The following CROT variants were observed in gnomAD, a reference collection of about 807,000 sequenced individuals.
The protein encoded by CROT is peroxisomal carnitine O-octanoyltransferase.
CROT carries 84 observed loss-of-function variants against 89.2 expected under a neutral mutation model. That is an observed-to-expected ratio of 0.94 (90% CI 0.79 to 1.13). CROT has a LOEUF of 1.13. Among genes scored for constraint, CROT ranks in the 50% most tolerant of loss-of-function variants. The pLI is 0.00. For missense variants in CROT, 711 were observed against 727.8 expected (o/e 0.98, Z 0.27); for synonymous variants, 212 against 239.5 (o/e 0.89, Z 1.06).
rs1805789950 is a variant in CROT, at chr7:87,349,127, T to G, written c.59T>G (p.Leu20Arg). The change falls in exon 3 of 18, where the codon CTT becomes CGT. Residue 20 changes from leucine (L) to arginine (R), a missense_variant. Transcript: ENST00000331536. ...CGAACATTTCAGTACCAGGATTCTC[T>G]TCCATCACTGCCTGTTCCTTCACTT... is the stretch of plus-strand genomic sequence containing the variant. ...EERTFQYQDSLPSLPVPSLEE... is the reference protein window; with the variant it reads ...EERTFQYQDSRPSLPVPSLEE... 9 of 1,607,886 alleles carry G rather than the reference T, an allele frequency of 5.6e-6. No homozygotes were observed. Among genetic ancestry groups the G allele is most frequent in the South Asian group, 1.1e-5 (1 of 90,196 alleles).
chr7:87,362,671 G>A (rs1806321750), intron 6 of CROT, among the ~76,000 whole-genome samples: 1 of 151,978 alleles, frequency 6.6e-6, no homozygotes, highest in African/African-American at 2.4e-5. Context: ...CAGTTTAATG[G>A]CAGTTTCTGC....
intron 13 of CROT, among the ~76,000 whole-genome samples, chr7:87,385,039 C>T (rs7776867): frequency 0.081 from 12,382 of 151,972 alleles, 539 homozygotes; most frequent in South Asian, 0.16. Flanking sequence ...CTATTCTGTT[C>T]CATTGGTCTG....
chr7:87,355,218 GC>G (rs1222930904), intron 3 of CROT, among the ~76,000 whole-genome samples: 1 of 151,728 alleles, frequency 6.6e-6, no homozygotes, highest in Non-Finnish European at 1.5e-5. Context: ...TCCCACCTCA[GC>G]CTCCCAAGTA....
rs904840373 is a variant in CROT at position 87,349,264 on chromosome 7, C to T, written c.115+81C>T. The stretch of plus-strand genomic sequence containing the variant: ...GATACTGTTGCTGGAGAAGGGGTCT[C>T]GATCCAGACTCTAAGAGAGAGTTAG... On this transcript the variant is annotated intron_variant, in intron 3 of 17. Coordinates refer to ENST00000331536, the MANE Select transcript of CROT (RefSeq NM_021151.4). 3.8e-5 allele frequency: 24 copies of T among 631,896 alleles called. No homozygotes were observed. The Middle Eastern group carries it at 1.8e-3, about 47-fold the overall frequency. The allele number at this position is 631,896 out of a possible 1,614,324, so 39.1% of individuals were successfully genotyped here.
At chr7:87,370,342 C>A (rs926287902) in intron 7 of CROT, among the ~76,000 whole-genome samples, 1 of 152,090 alleles carries the variant, frequency 6.6e-6, no homozygotes, top group African/African-American at 2.4e-5. Flanking sequence ...ACCACCATGG[C>A]CAGCTAATTA....
At chr7:87,355,359 C>G (rs1252627786) in intron 3 of CROT, among the ~76,000 whole-genome samples, 1 of 152,134 alleles carries the variant, frequency 6.6e-6, no homozygotes, top group East Asian at 1.9e-4. Flanking sequence ...CTTGGCCTCC[C>G]AACGTGCTGG....
At chr7:87,349,469 G>A (rs1477935042) in intron 3 of CROT, among the ~76,000 whole-genome samples, 1 of 152,218 alleles carries the variant, frequency 6.6e-6, no homozygotes, top group Admixed American at 6.5e-5. Flanking sequence ...GTGCCTATGT[G>A]AGGGTGAGCA....
Position 87,361,402 on chromosome 7 carries a change from T to C in CROT, c.253T>C (p.Trp85Arg), listed in dbSNP as rs754277085. ...KGKRNWLEEW[W>R]LNVAYLDVRI... is the part of the protein sequence containing the mutation. ...CAATTTCTTTTAGCTGGAAGAGTGG[T>C]GGCTGAATGTTGCCTATCTGGATGT... The change falls in exon 5 of 18, where the codon TGG becomes CGG. Residue 85 changes from tryptophan to arginine, a missense_variant. Coordinates refer to ENST00000331536, the MANE Select transcript of CROT (RefSeq NM_021151.4). The C allele has an allele frequency of 2.5e-6, 4 of 1,613,264 alleles. No homozygotes were observed. In the South Asian group the frequency reaches 3.3e-5, roughly 13 times the overall value.
intron 6 of CROT, 93 bp from the exon 7 acceptor site, chr7:87,369,283 G>T: frequency 2.7e-6 from 2 of 727,978 alleles, no homozygotes; most frequent in Admixed American, 5.1e-5. Context: ...TAAAATACTG[G>T]AAGAATGCCT....
In CROT at chr7:87,352,192, G is replaced by A. The variant is rs73194671; in HGVS notation, c.115+3009G>A. Among the ~76,000 whole-genome samples, 487 of 152,306 alleles carry A rather than the reference G, an allele frequency of 3.2e-3. 2 individuals carry two copies. Among genetic ancestry groups the A allele is most frequent in the Non-Finnish European group, 5.1e-3 (349 of 68,028 alleles). On this transcript the variant is annotated intron_variant, in intron 3 of 17. Coordinates refer to ENST00000331536, the MANE Select transcript of CROT (RefSeq NM_021151.4). ...CCAAGAAGAGGGTCCATTTTGTTGG[G>A]AAAGGGCTTAGAACTTTTAAAAACT...
At chr7:87,367,058 T>C (rs1302041994) in intron 6 of CROT, among the ~76,000 whole-genome samples, 2 of 152,222 alleles carry the variant, frequency 1.3e-5, no homozygotes, top group African/African-American at 4.8e-5. Flanking sequence ...GGCAGAATAA[T>C]GGTCCCCCAT....
At chr7:87,395,717 T>A (rs1807502236) in intron 17 of CROT, among the ~76,000 whole-genome samples, 1 of 152,178 alleles carries the variant, frequency 6.6e-6, no homozygotes, top group Non-Finnish European at 1.5e-5. Context: ...TTTAAAGTTG[T>A]TTTGATTTTG....
intron 6 of CROT, among the ~76,000 whole-genome samples, chr7:87,366,492 TTGA>T (rs1454398988): frequency 6.6e-6 from 1 of 152,230 alleles, no homozygotes; most frequent in African/African-American, 2.4e-5. Flanking sequence ...AGTCATATTC[TTGA>T]TGATTTTAGC....
intron 13 of CROT, among the ~76,000 whole-genome samples, chr7:87,387,714 G>A (rs955175150): frequency 6.6e-6 from 1 of 152,214 alleles, no homozygotes; most frequent in African/African-American, 2.4e-5. Context: ...CACTTTGGGA[G>A]GCTGAGGCAG....
Position 87,361,746 on chromosome 7 carries a change from T to TA in CROT, c.444dup (p.Val149SerfsTer25), listed in dbSNP as rs1562929911. ...TTAATAGAGAAAAAGTGCCTGTTCA[T>TA]AAAGTTGGAAATACTCCTCTAGATA... On this transcript the variant is annotated frameshift_variant, in exon 6 of 18. Transcript: ENST00000331536. LOFTEE classifies it high-confidence loss of function. 1 of 1,584,914 alleles carries TA rather than the reference T, an allele frequency of 6.3e-7. No individual in the cohort carries two copies. Among genetic ancestry groups the TA allele is most frequent in the African/African-American group, 1.4e-5 (1 of 73,340 alleles).
At chr7:87,396,274 T>G (rs1423926923) in intron 17 of CROT, among the ~76,000 whole-genome samples, 2 of 152,000 alleles carry the variant, frequency 1.3e-5, no homozygotes, top group African/African-American at 4.8e-5. Flanking sequence ...ATTAAAAAAT[T>G]TGAAAAATCA....
chr7:87,382,331 T>C (rs1477546821), intron 12 of CROT, 82 bp from the exon 13 acceptor site: 1 of 1,477,752 alleles, frequency 6.8e-7, no homozygotes, highest in African/African-American at 1.4e-5. Flanking sequence ...GTGATTACTT[T>C]AATGCAGGTG....
At chr7:87,382,212 A>G in intron 12 of CROT, 31 bp downstream of exon 12, 1 of 1,545,736 alleles carries the variant, frequency 6.5e-7, no homozygotes, top group East Asian at 2.3e-5. Flanking sequence ...TTAAATAATA[A>G]TGATTTTTTC....
In CROT at chr7:87,347,182, T is replaced by A. The variant is rs576329283; in HGVS notation, c.-22+752T>A. On this transcript the variant is annotated intron_variant, in intron 2 of 17. Transcript: ENST00000331536. The stretch of plus-strand genomic sequence containing the variant: ...TTAGATTAGTTCCAATTCGATAATA[T>A]CCCTATTTTAAGGTCAGTTCTGTAG... Among the ~76,000 whole-genome samples, 18 of 152,290 alleles carry A rather than the reference T, an allele frequency of 1.2e-4. 1 individual carries two copies. Among genetic ancestry groups the A allele is most frequent in the African/African-American group, 4.3e-4 (18 of 41,554 alleles).
Sources: gnomAD v4.1 joint callset for allele counts (sites outside exome capture counted in the v4.1 genomes callset) on GRCh38, gnomAD v4.1.1 for gene constraint, MANE v1.5 for transcripts, NCBI Gene and HGNC (gene_info 2026-07-23, HGNC 2026-07-21) for gene names.